Variants in PC observed in about 807,000 individuals in gnomAD.
PC encodes pyruvate carboxylase.
Under a neutral mutation model 107.8 loss-of-function variants are expected in PC, and 46 were observed. The ratio of observed to expected loss-of-function variants is 0.43; its 90% CI spans 0.34 to 0.55. The LOEUF (loss-of-function observed/expected upper bound fraction) is 0.55. Among genes scored for constraint, PC ranks in the 20% least tolerant of loss-of-function variants. PC has a pLI of 0.04. For synonymous variants in PC, 662 were observed against 684.7 expected, an observed-to-expected ratio of 0.97 and a Z score of 0.52; for missense variants, 1,241 against 1,643.1, an observed-to-expected ratio of 0.76 and a Z score of 4.23.
intron 3 of PC, among the ~76,000 whole-genome samples, chr11:66,940,568 A>C (rs1354127305): frequency 6.6e-6 from 1 of 151,852 alleles, no homozygotes; most frequent in African/African-American, 2.4e-5. Context: ...AATACAAAAA[A>C]ATACAGCTAC....
chr11:66,896,986 C>T (rs1947781867), intron 3 of PC, among the ~76,000 whole-genome samples: 1 of 152,096 alleles, frequency 6.6e-6, no homozygotes, highest in Non-Finnish European at 1.5e-5. Context: ...GGCTGGAGTG[C>T]AGTGGTGCAA....
chr11:66,873,484 ATAT>A (rs1369432354), intron 3 of PC, among the ~76,000 whole-genome samples: 25 of 65,252 alleles, frequency 3.8e-4, no homozygotes, highest in East Asian at 1.6e-3. Context: ...ATAATATATA[ATAT>A]TATATATATT....
At position 66,858,806 on chromosome 11, in the gene PC, C is replaced by G. The variant is rs1266941303; in HGVS notation, c.1368+4968G>C. The G allele has an allele frequency of 6.5e-7, 1 of 1,549,852 alleles. No homozygotes were observed. Among genetic ancestry groups the G allele is most frequent in the African/African-American group, 1.4e-5 (1 of 73,232 alleles). On this transcript the variant is annotated intron_variant, in intron 12 of 22. Coordinates refer to ENST00000393960, the MANE Select transcript of PC (RefSeq NM_001040716.2). The surrounding 1 kb of genome is among the most constrained non-coding windows in gnomAD (Gnocchi z 5.9). ...CTGGGGGCTACACCTGCATCGCCAC[C>G]AACCCTGCTGGTGAGGCCACAGCCC...
intron 16 of PC, among the ~76,000 whole-genome samples, 176 bp from the exon 17 acceptor site, chr11:66,851,456 C>A (rs989108532): frequency 6.6e-6 from 1 of 152,180 alleles, no homozygotes; most frequent in African/African-American, 2.4e-5. Context: ...GGACCAGGCC[C>A]TGGAGGATCA....
At position 66,941,620 on chromosome 11, in the gene PC, T is replaced by C. The variant is rs1392399521; in HGVS notation, c.-1+10810A>G. Among the ~76,000 whole-genome samples, 5 of 152,162 alleles carry C rather than the reference T, an allele frequency of 3.3e-5. No individual in the cohort carries two copies. In the East Asian group the frequency reaches 9.7e-4, roughly 30 times the overall value. On this transcript the variant is annotated intron_variant, in intron 3 of 22. Transcript: ENST00000393960. ...CATTCTGCTGCCTCAACCTTCCGAG[T>C]AGCTGAGACTACAGGTGCCCGCCAC...
intron 2 of PC, among the ~76,000 whole-genome samples, chr11:66,953,781 G>C (rs1404949462): frequency 6.6e-6 from 1 of 152,170 alleles, no homozygotes; most frequent in Non-Finnish European, 1.5e-5. Context: ...AAATGGGATG[G>C]CACGTGAGAG....
chr11:66,952,291 T>C (rs1949457690), intron 3 of PC, 139 bp downstream of exon 3: 1 of 152,178 alleles, frequency 6.6e-6, no homozygotes, highest in Non-Finnish European at 1.5e-5. Context: ...CTTAAACGGA[T>C]ATTATCCACA....
rs1226098934 is a variant in PC, at chr11:66,928,432, C to T, written c.-1+23998G>A. On this transcript the variant is annotated intron_variant, in intron 3 of 22. Transcript: ENST00000393960. ...AATCAGGCCAGCCTGAAATTAGCAC[C>T]TACCAAGATGAACTTGGCAGCAGCA... Among the ~76,000 whole-genome samples the T allele has an allele frequency of 2.0e-5, 3 of 151,572 alleles. No individual in the cohort carries two copies. In the East Asian group the frequency reaches 5.8e-4, roughly 29 times the overall value.
intron 3 of PC, among the ~76,000 whole-genome samples, chr11:66,894,226 T>C (rs1478688624): frequency 1.3e-5 from 2 of 152,074 alleles, no homozygotes; most frequent in African/African-American, 2.4e-5. Context: ...CCAAAATTAG[T>C]GCACCCTGCC....
chr11:66,897,682 C>A (rs1024792399), intron 3 of PC, among the ~76,000 whole-genome samples: 1 of 152,192 alleles, frequency 6.6e-6, no homozygotes, highest in Non-Finnish European at 1.5e-5. Flanking sequence ...GGTTCCCAAC[C>A]CAGGACCAGA....
chr11:66,890,435 C>T (rs1271625354), intron 3 of PC, among the ~76,000 whole-genome samples: 1 of 147,696 alleles, frequency 6.8e-6, no homozygotes, highest in African/African-American at 2.5e-5. Context: ...ACTCTTGTTG[C>T]CTGGGCTGGA....
rs1187936493 is a variant in PC, at chr11:66,858,457, G to C, written c.1369-5074C>G. The C allele has an allele frequency of 6.5e-7, 1 of 1,550,032 alleles. No homozygotes were observed. The highest frequency in any genetic ancestry group is 1.4e-5 in the African/African-American group (1 of 73,708). On this transcript the variant is annotated intron_variant, in intron 12 of 22. Transcript: ENST00000393960. This position sits in a 1 kb window ranked among gnomAD's most constrained non-coding sequence, Gnocchi z 5.9. ...AGCTTTAGCGGGAACCCCCTGCACT[G>C]CAACTGTGAGCTGCTGTGGCTGCGG... is the stretch of plus-strand genomic sequence containing the variant.
chr11:66,908,702 C>T (rs2136065438), intron 3 of PC, among the ~76,000 whole-genome samples: 1 of 152,282 alleles, frequency 6.6e-6, no homozygotes, highest in Admixed American at 6.5e-5. Flanking sequence ...GTTCGGCGCG[C>T]TCACTGTGTG....
intron 3 of PC, among the ~76,000 whole-genome samples, chr11:66,917,280 G>A (rs1374754723): frequency 1.3e-5 from 2 of 151,972 alleles, no homozygotes; most frequent in African/African-American, 4.8e-5. Flanking sequence ...TCGTGTTGGT[G>A]AGACTGGTCT....
chr11:66,852,535 G>C lies in PC; in HGVS notation c.1729C>G (p.Leu577Val). The C allele has an allele frequency of 1.2e-6, 2 of 1,614,086 alleles. No individual in the cohort carries two copies. The highest frequency in any genetic ancestry group is 1.7e-6 in the Non-Finnish European group (2 of 1,180,028). The part of the protein sequence containing the change: ...DTTFRDAHQS[L>V]LATRVRTHDL... ...TGGGTGCGCACACGAGTGGCCAGCA[G>C]TGACTGGTGGGCGTCCCTGAAGGTC... Residue 577 changes from leucine to valine, a missense_variant, in exon 15 of 23, where the codon CTG (leucine) becomes GTG (valine). Leu to Val is a conservative substitution (Grantham distance 32, BLOSUM62 1). This residue lies in a region of PC where 1,143 missense variants were observed against 1,551.9 expected (regional missense o/e 0.74). Coordinates refer to ENST00000393960, the MANE Select transcript of PC (RefSeq NM_001040716.2). The surrounding 1 kb of genome is among the most constrained non-coding windows in gnomAD (Gnocchi z 4.7).
intron 12 of PC, chr11:66,860,389 A>T (rs1411045706): frequency 1.3e-6 from 1 of 789,152 alleles, no homozygotes; most frequent in Non-Finnish European, 2.2e-6. Context: ...CCCCTCCAAC[A>T]GGTGCTCACA....
In PC at chr11:66,866,298, G is replaced by A. The variant is rs749417596; in HGVS notation, c.1074C>T (p.Pro358=). The change falls in exon 11 of 23, where the codon CCC becomes CCT. Residue 358 remains proline (P), a synonymous_variant. Transcript: ENST00000393960. The surrounding 1 kb of genome is among the most constrained non-coding windows in gnomAD (Gnocchi z 5.4). ...TGTTCTCCTGCCGCAGGCCCAGGTC[G>A]GGTAGGCTCCTGCCCTCAGCCACGT... The part of the protein sequence containing the change: ...QIHVAEGRSL[P]DLGLRQENIR... 1.1e-5 allele frequency: 17 copies of A among 1,613,252 alleles called. No homozygotes were observed. The highest frequency in any genetic ancestry group is 1.0e-4 in the Admixed American group (6 of 60,002).
At chr11:66,956,065 C>A (rs896781923) in intron 1 of PC, among the ~76,000 whole-genome samples, 49 of 152,112 alleles carry the variant, frequency 3.2e-4, no homozygotes, top group African/African-American at 1.0e-3. Flanking sequence ...GAGCACCGCG[C>A]CCAGCCCCGT....
intron 3 of PC, among the ~76,000 whole-genome samples, chr11:66,877,055 G>A (rs778644005): frequency 1.3e-5 from 2 of 152,182 alleles, no homozygotes; most frequent in Admixed American, 1.3e-4. Flanking sequence ...CAGCTTCTCC[G>A]GGAAGCTGTT....
Sources: gnomAD v4.1 joint callset for allele counts (sites outside exome capture counted in the v4.1 genomes callset) on GRCh38, gnomAD v4.1.1 for gene constraint, gnomAD v4.1.1 regional missense constraint, Gnocchi (gnomAD v3.1) non-coding constraint, MANE v1.5 for transcripts, NCBI Gene and HGNC (gene_info 2026-07-23, HGNC 2026-07-21) for gene names.